Variants in GPM6A observed in about 807,000 individuals in gnomAD.
GPM6A encodes glycoprotein M6A.
A neutral mutation model predicts 32.1 loss-of-function variants in GPM6A; 7 were observed. The observed-to-expected ratio is 0.22, with a 90% CI of 0.12 to 0.41. GPM6A has a LOEUF of 0.41. GPM6A is among the 10% of genes least tolerant of loss of function. The pLI is 1.00. For missense variants in GPM6A, 235 were observed against 347.2 expected, an observed-to-expected ratio of 0.68 and a Z score of 2.57; for synonymous variants, 130 against 123.4, an observed-to-expected ratio of 1.05 and a Z score of -0.35.
chr4:175,986,120 G>A (rs539657693), intron 1 of GPM6A, among the ~76,000 whole-genome samples: 2 of 152,202 alleles, frequency 1.3e-5, no homozygotes, highest in East Asian at 1.9e-4. Context: ...TTTATTAAAT[G>A]CATTTTTTAT....
chr4:175,997,039 C>T (rs1040625255), intron 1 of GPM6A, among the ~76,000 whole-genome samples: 1 of 151,836 alleles, frequency 6.6e-6, no homozygotes, highest in African/African-American at 2.4e-5. Context: ...CAGGACAGCC[C>T]GAGATAAACT....
intron 2 of GPM6A, among the ~76,000 whole-genome samples, chr4:175,700,852 T>C (rs1457122527): frequency 6.6e-6 from 1 of 152,198 alleles, no homozygotes; most frequent in Admixed American, 6.5e-5. Flanking sequence ...TATTTAGCAA[T>C]AAACGTTTCT....
At chr4:175,814,600 A>G (rs1043412498), upstream of GPM6A, among the ~76,000 whole-genome samples, 10 of 152,204 alleles carry the variant, frequency 6.6e-5, no homozygotes, top group Non-Finnish European at 1.2e-4. Context: ...TCATATAACC[A>G]TTCACTTTTT....
chr4:175,685,269 G>T (rs528851600), intron 2 of GPM6A, among the ~76,000 whole-genome samples: 125 of 152,200 alleles, frequency 8.2e-4, no homozygotes, highest in African/African-American at 2.8e-3. Context: ...TTTTATTAGG[G>T]TATACTGAAT....
At chr4:175,746,076 C>T (rs1732090956) in intron 1 of GPM6A, among the ~76,000 whole-genome samples, 1 of 152,062 alleles carries the variant, frequency 6.6e-6, no homozygotes, top group Non-Finnish European at 1.5e-5. Flanking sequence ...AATTCATCAC[C>T]TGCTAAACTG....
intron 1 of GPM6A, among the ~76,000 whole-genome samples, chr4:175,717,102 A>G (rs893197717): frequency 1.3e-5 from 2 of 151,592 alleles, no homozygotes; most frequent in African/African-American, 4.9e-5. Flanking sequence ...GCTGTGTGTG[A>G]TCTCGCCAGC....
chr4:175,955,881 T>C (rs1739969966), intron 1 of GPM6A, among the ~76,000 whole-genome samples: 1 of 152,210 alleles, frequency 6.6e-6, no homozygotes, highest in Non-Finnish European at 1.5e-5. Flanking sequence ...TCTCATGGTC[T>C]ATGGAGAGCC....
At chr4:175,668,256 G>T (rs544396381) in intron 3 of GPM6A, among the ~76,000 whole-genome samples, 175 of 151,968 alleles carry the variant, frequency 1.2e-3, no homozygotes, top group Non-Finnish European at 2.0e-3. Context: ...GTTCTGAAGC[G>T]ATATACGAGA....
chr4:175,830,846 C>A (rs1362995296), intron 1 of GPM6A, among the ~76,000 whole-genome samples: 1 of 149,914 alleles, frequency 6.7e-6, no homozygotes, highest in Non-Finnish European at 1.5e-5. Context: ...GTTTATATAT[C>A]CTGACTCACT....
intron 1 of GPM6A, among the ~76,000 whole-genome samples, chr4:175,976,445 C>A (rs754180317): frequency 1.3e-5 from 2 of 151,956 alleles, no homozygotes; most frequent in African/African-American, 4.8e-5. Context: ...GGATTACAGG[C>A]GTGAGCCACC....
At chr4:175,883,524 A>T (rs1278627114) in intron 1 of GPM6A, among the ~76,000 whole-genome samples, 1 of 152,154 alleles carries the variant, frequency 6.6e-6, no homozygotes, top group Non-Finnish European at 1.5e-5. Context: ...AATTTTCATC[A>T]GAAGTACTTG....
intron 1 of GPM6A, among the ~76,000 whole-genome samples, chr4:175,852,905 C>A (rs1329146025): frequency 6.6e-6 from 1 of 152,106 alleles, no homozygotes; most frequent in African/African-American, 2.4e-5. Flanking sequence ...TTCAAAGCAA[C>A]GAATAGATTA....
chr4:175,716,734 AAT>A (rs1218445617), intron 1 of GPM6A, among the ~76,000 whole-genome samples: 1 of 152,218 alleles, frequency 6.6e-6, no homozygotes, highest in Non-Finnish European at 1.5e-5. Flanking sequence ...AGACATTGCC[AAT>A]AAATGTAAAA....
chr4:175,944,870 T>C (rs956784491), intron 1 of GPM6A, among the ~76,000 whole-genome samples: 1 of 152,206 alleles, frequency 6.6e-6, no homozygotes, highest in African/African-American at 2.4e-5. Flanking sequence ...GACTGCAGTC[T>C]TCAACAGACA....
intron 1 of GPM6A, among the ~76,000 whole-genome samples, chr4:175,863,962 C>G (rs1736651776): frequency 6.6e-6 from 1 of 151,936 alleles, no homozygotes; most frequent in Admixed American, 6.6e-5. Flanking sequence ...GGTTGCACCA[C>G]TGCACTCCAG....
intron 1 of GPM6A, among the ~76,000 whole-genome samples, chr4:175,903,896 T>C (rs1472885340): frequency 1.3e-5 from 2 of 152,134 alleles, no homozygotes; most frequent in African/African-American, 4.8e-5. Flanking sequence ...TAACGTGATA[T>C]ATAGTATCAA....
chr4:175,731,551 C>G (rs977159062), intron 1 of GPM6A, among the ~76,000 whole-genome samples: 4 of 152,186 alleles, frequency 2.6e-5, no homozygotes, highest in African/African-American at 9.7e-5. Context: ...AGCACAATAT[C>G]TGGCACAGGC....
Position 175,744,966 on chromosome 4 carries a change from G to T in GPM6A, c.38-43199C>A, listed in dbSNP as rs555462378. On this transcript the variant is annotated intron_variant, in intron 1 of 6. Transcript: ENST00000393658. ...TAATAAAAAGAAAAAGGACAGGAAA[G>T]TAAGCAATTTGCCAGGTGCTCAATT... 1.2e-4 allele frequency among the ~76,000 whole-genome samples: 19 copies of T among 152,258 alleles called. No individual in the cohort carries two copies. The East Asian group carries it at 3.7e-3, about 29-fold the overall frequency.
At chr4:175,657,753 T>A (rs548866577) in intron 3 of GPM6A, among the ~76,000 whole-genome samples, 5 of 152,140 alleles carry the variant, frequency 3.3e-5, no homozygotes, top group Admixed American at 6.6e-5. Flanking sequence ...TTTAACAATA[T>A]CCCTGGCCTC....
Sources: allele counts gnomAD v4.1 joint callset (sites outside exome capture counted in the v4.1 genomes callset), GRCh38; gene constraint gnomAD v4.1.1; transcripts MANE v1.5; gene names NCBI Gene and HGNC (gene_info 2026-07-23, HGNC 2026-07-21).